SAMD12: variants seen among roughly 807,000 people sequenced by gnomAD.
The protein encoded by SAMD12 is sterile alpha motif domain containing 12.
A neutral mutation model predicts 15.0 loss-of-function variants in SAMD12; 9 were observed. That is an observed-to-expected ratio of 0.60 (90% CI 0.36 to 1.05). SAMD12 has a LOEUF of 1.05. Ranked by LOEUF, SAMD12 falls within the 50% of genes least tolerant of loss-of-function variation. The pLI is 0.01. For synonymous variants in SAMD12, 86 were observed against 90.1 expected (o/e 0.96, Z 0.25); for missense variants, 230 against 234.2 (o/e 0.98, Z 0.12).
chr8:118,522,128 G>A (rs1379360253), intron 2 of SAMD12, among the ~76,000 whole-genome samples: 1 of 151,160 alleles, frequency 6.6e-6, no homozygotes, highest in Non-Finnish European at 1.5e-5. Flanking sequence ...CAGCACAGTG[G>A]TGACAGTTAA....
chr8:118,556,583 G>T (rs957139674), intron 2 of SAMD12, among the ~76,000 whole-genome samples: 1 of 152,150 alleles, frequency 6.6e-6, no homozygotes, highest in South Asian at 2.1e-4. Flanking sequence ...GTTATTTTCA[G>T]AATCTAATAA....
At chr8:118,182,318 T>A in the SAMD12 span, among the ~76,000 whole-genome samples, 12 of 152,372 alleles carry the variant, frequency 7.9e-5, 1 homozygote, top group South Asian at 2.5e-3. Flanking sequence ...TCTTAAACAT[T>A]CACATGATTT....
intron 2 of SAMD12, among the ~76,000 whole-genome samples, chr8:118,518,731 C>T (rs554956940): frequency 1.6e-4 from 25 of 152,254 alleles, no homozygotes; most frequent in African/African-American, 5.8e-4. Flanking sequence ...TGCTGAGCAC[C>T]TCTGACCTCC....
At chr8:118,551,204 C>A (rs1170115893) in intron 2 of SAMD12, among the ~76,000 whole-genome samples, 1 of 152,160 alleles carries the variant, frequency 6.6e-6, no homozygotes, top group Admixed American at 6.5e-5. Context: ...ACTCTCCACC[C>A]CAAATCAAGA....
chr8:118,263,952 C>A (rs894308159), intron 4 of SAMD12, among the ~76,000 whole-genome samples: 5 of 152,120 alleles, frequency 3.3e-5, no homozygotes, highest in African/African-American at 9.7e-5. Context: ...TGGTTTTCAT[C>A]ATGCAATTTG....
At chr8:118,550,903 A>T (rs541238364) in intron 2 of SAMD12, among the ~76,000 whole-genome samples, 10 of 150,230 alleles carry the variant, frequency 6.7e-5, no homozygotes, top group Non-Finnish European at 1.2e-4. Context: ...AACAGACTTT[A>T]AACCAACAAA....
At chr8:118,365,350 A>G (rs1012860191) in intron 4 of SAMD12, among the ~76,000 whole-genome samples, 1 of 152,216 alleles carries the variant, frequency 6.6e-6, no homozygotes, top group African/African-American at 2.4e-5. Context: ...TATTTCCAGA[A>G]GAGATTAGCA....
In SAMD12 at chr8:118,296,854, C is replaced by T. The variant is rs189074778; in HGVS notation, c.433+82706G>A. ...ATTCATTTGTTCATCATGTATTCAA[C>T]AAACATCTGTTGACCACCTACTCTG... is the stretch of plus-strand genomic sequence containing the variant. On this transcript the variant is annotated intron_variant, in intron 4 of 4. Transcript: ENST00000409003. 6.4e-4 allele frequency among the ~76,000 whole-genome samples: 97 copies of T among 152,342 alleles called. No homozygotes were observed. The East Asian group carries it at 9.6e-3, about 15-fold the overall frequency.
At chr8:118,159,077 C>A in the SAMD12 span, among the ~76,000 whole-genome samples, 734 of 152,066 alleles carry the variant, frequency 4.8e-3, 3 homozygotes, top group Middle Eastern at 0.017. Flanking sequence ...TCCCCATCCC[C>A]ACTCCACTCA....
chr8:118,320,672 T>TGGGGGGGG (rs71569763), intron 4 of SAMD12, among the ~76,000 whole-genome samples: 114 of 82,344 alleles, frequency 1.4e-3, no homozygotes, highest in Admixed American at 2.1e-3. Context: ...TGTCGTGGGG[T>TGGGGGGGG]GGGGGGGGTG....
intron 2 of SAMD12, among the ~76,000 whole-genome samples, chr8:118,457,085 ATTCTG>A (rs1426170390): frequency 6.6e-6 from 1 of 152,228 alleles, no homozygotes; most frequent in Non-Finnish European, 1.5e-5. Flanking sequence ...AATGTAAAAC[ATTCTG>A]TTCAGTCCCT....
At chr8:118,142,830 G>A in the SAMD12 span, among the ~76,000 whole-genome samples, 2 of 152,166 alleles carry the variant, frequency 1.3e-5, no homozygotes, top group Non-Finnish European at 2.9e-5. Flanking sequence ...ACTATCCTGT[G>A]TCATAGAGCT....
chr8:118,255,697 T>C (rs1348314558), intron 4 of SAMD12, among the ~76,000 whole-genome samples: 1 of 151,942 alleles, frequency 6.6e-6, no homozygotes, highest in Admixed American at 6.6e-5. Context: ...TCATTTTTCA[T>C]GGCTGCATAG....
chr8:118,389,442 T>C (rs1442022377), intron 3 of SAMD12, among the ~76,000 whole-genome samples: 1 of 152,188 alleles, frequency 6.6e-6, no homozygotes, highest in Non-Finnish European at 1.5e-5. Context: ...TCCCAGCATT[T>C]TGGGAGCCTA....
intron 2 of SAMD12, among the ~76,000 whole-genome samples, chr8:118,491,761 T>C (rs1319257309): frequency 6.6e-6 from 1 of 152,180 alleles, no homozygotes; most frequent in Non-Finnish European, 1.5e-5. Flanking sequence ...ATCAATCATA[T>C]TGTTGTATAT....
chr8:118,343,131 A>G (rs1817456716), intron 4 of SAMD12, among the ~76,000 whole-genome samples: 1 of 152,046 alleles, frequency 6.6e-6, no homozygotes, highest in Non-Finnish European at 1.5e-5. Flanking sequence ...TGGCAAGTGC[A>G]ATTCCCCACA....
intron 2 of SAMD12, among the ~76,000 whole-genome samples, chr8:118,564,945 T>C (rs927923854): frequency 8.5e-5 from 13 of 152,184 alleles, no homozygotes; most frequent in Middle Eastern, 6.3e-3. Flanking sequence ...GAAATTGCAC[T>C]GGGGTTTTTG....
intron 2 of SAMD12, among the ~76,000 whole-genome samples, chr8:118,498,467 C>CA (rs1286513432): frequency 2.0e-5 from 3 of 152,228 alleles, no homozygotes. Flanking sequence ...TGGATAGCTC[C>CA]AGGCATATCA....
intron 4 of SAMD12, among the ~76,000 whole-genome samples, chr8:118,362,548 C>T (rs951720542): frequency 1.4e-4 from 22 of 152,220 alleles, no homozygotes; most frequent in Admixed American, 9.8e-4. Context: ...GAAATGAATA[C>T]CCAAATACTT....
Sources: allele counts gnomAD v4.1 joint callset (sites outside exome capture counted in the v4.1 genomes callset), GRCh38; gene constraint gnomAD v4.1.1; transcripts MANE v1.5; gene names NCBI Gene and HGNC (gene_info 2026-07-23, HGNC 2026-07-21).